LBP: variants seen among roughly 807,000 people sequenced by gnomAD.
The protein encoded by LBP is lipopolysaccharide binding protein, also known as lipopolysaccharide-binding protein.
A neutral mutation model predicts 56.6 loss-of-function variants in LBP; 53 were observed. The observed-to-expected ratio is 0.94, with a 90% CI of 0.75 to 1.18. The LOEUF is 1.18. Ranked by LOEUF, LBP falls within the 50% of genes most tolerant of loss-of-function variation. The pLI is 0.00. For synonymous variants in LBP, 227 were observed against 247.5 expected (o/e 0.92, Z 0.78); for missense variants, 601 against 598.3 (o/e 1.00, Z -0.05).
chr20:38,376,930 AT>A lies in LBP; in HGVS notation c.*268del. ...GGATATCTTTACAAGCAGGCACTGT[AT>A]TTTTTTATTCGCCATCTGATCCCCA... On this transcript the variant is annotated 3_prime_UTR_variant, in exon 15 of 15. Transcript: ENST00000217407. The A allele has an allele frequency of 1.6e-6, 1 of 629,672 alleles. No homozygotes were observed. The highest frequency in any genetic ancestry group is 3.0e-6 in the Non-Finnish European group (1 of 338,416). 39.0% of individuals were successfully genotyped at this position (629,672 alleles called of 1,614,324 possible). A position where few individuals can be genotyped will look rare whatever the true frequency, so the allele number is the denominator to read the frequency against.
Position 38,364,744 on chromosome 20 carries a change from G to A in LBP, c.913G>A (p.Asp305Asn). The change falls in exon 8 of 15, where the codon GAT (aspartate) becomes AAT (asparagine). Residue 305 changes from aspartate to asparagine, a missense_variant. Coordinates refer to ENST00000217407, the MANE Select transcript of LBP (RefSeq NM_004139.5). The part of the protein sequence containing the change: ...EEGYLNFSIT[D>N]DMIPPDSNIR... Reference sequence around the variant, plus strand: ...AGGATATCTGAACTTCTCCATCACAGATGACATGGTGAGGATGGTGGCAAA... The same window carrying A: ...AGGATATCTGAACTTCTCCATCACAAATGACATGGTGAGGATGGTGGCAAA... 1.2e-6 allele frequency: 2 copies of A among 1,608,782 alleles called. No homozygotes were observed. Among genetic ancestry groups the A allele is most frequent in the Non-Finnish European group, 1.7e-6 (2 of 1,177,098 alleles).
intron 11 of LBP, among the ~76,000 whole-genome samples, 176 bp downstream of exon 11, chr20:38,370,981 G>A (rs1303462097): frequency 6.6e-6 from 1 of 152,150 alleles, no homozygotes; most frequent in African/African-American, 2.4e-5. Flanking sequence ...ATCTCAAATT[G>A]TTAAAGAATT....
At chr20:38,365,353 T>A (rs1406607092) in intron 8 of LBP, among the ~76,000 whole-genome samples, 5 of 152,060 alleles carry the variant, frequency 3.3e-5, no homozygotes, top group Admixed American at 6.6e-5. Context: ...GTTAGTCTAA[T>A]TCATATTTTC....
At chr20:38,353,928 C>T (rs2864142) in intron 3 of LBP, among the ~76,000 whole-genome samples, 146,090 of 152,072 alleles carry the variant, frequency 0.96, 70,266 homozygotes, top group African/African-American at 0.99. Flanking sequence ...GGAAATAAGC[C>T]CATATATTAA....
chr20:38,362,049 T>G (rs2076861991), intron 6 of LBP, among the ~76,000 whole-genome samples: 1 of 149,108 alleles, frequency 6.7e-6, no homozygotes, highest in Non-Finnish European at 1.5e-5. Flanking sequence ...TTATTTTTTG[T>G]TTTCTTTTTT....
chr20:38,348,675 C>G (rs1028968204), intron 1 of LBP, among the ~76,000 whole-genome samples: 11 of 152,268 alleles, frequency 7.2e-5, no homozygotes, highest in African/African-American at 2.6e-4. Flanking sequence ...TGTCAGGCAC[C>G]AAGCTAGGAG....
rs550163118 is a variant in LBP, at chr20:38,354,329, T to G, written c.414T>G (p.Ile138Met). 4.8e-5 allele frequency: 78 copies of G among 1,613,860 alleles called. 3 individuals carry two copies. In the South Asian group the frequency reaches 8.2e-4, roughly 17 times the overall value. The stretch of plus-strand genomic sequence containing the variant: ...ATGTCAGTGTCAAGGGCATCAGCAT[T>G]TCGGTCAACCTCCTGTTGGGCAGCG... ...SFDVSVKGISISVNLLLGSES... is the reference protein window; with the variant it reads ...SFDVSVKGISMSVNLLLGSES... Residue 138 changes from isoleucine (I) to methionine (M), a missense_variant, in exon 4 of 15, where the codon ATT becomes ATG. Physicochemically the swap from Ile to Met is conservative, Grantham distance 10. Coordinates refer to ENST00000217407, the MANE Select transcript of LBP (RefSeq NM_004139.5).
chr20:38,358,866 C>T (rs983145750), intron 5 of LBP, among the ~76,000 whole-genome samples: 1 of 152,198 alleles, frequency 6.6e-6, no homozygotes, highest in Non-Finnish European at 1.5e-5. Context: ...ACTTTCTCAT[C>T]GCACATCAAC....
In LBP at chr20:38,366,245, A is replaced by G. The variant is rs1600728621; in HGVS notation, c.922-524A>G. Among the ~76,000 whole-genome samples, 3 of 152,194 alleles carry G rather than the reference A, an allele frequency of 2.0e-5. No individual in the cohort carries two copies. The South Asian group carries it at 6.2e-4, about 32-fold the overall frequency. On this transcript the variant is annotated intron_variant, in intron 8 of 14. Transcript: ENST00000217407. ...TTTTGTCCTTCTGATGGCCTCCTAC[A>G]CCTGCACAGGCCTTCGCTTCTGGCA... is the stretch of plus-strand genomic sequence containing the variant.
At chr20:38,375,100 A>T (rs561829316) in intron 14 of LBP, among the ~76,000 whole-genome samples, 1 of 151,558 alleles carries the variant, frequency 6.6e-6, no homozygotes, top group Non-Finnish European at 1.5e-5. Flanking sequence ...TACAGCCAAC[A>T]CTATATATGT....
rs186516958 is a variant in LBP at position 38,352,660 on chromosome 20, C to T, written c.369-1624C>T. Reference sequence around the variant, plus strand: ...ATCTCAGCTACTTAGGAGGATGAGACAGGAGAACCGCTGTAGCCTGGGAGG... The same window carrying T: ...ATCTCAGCTACTTAGGAGGATGAGATAGGAGAACCGCTGTAGCCTGGGAGG... On this transcript the variant is annotated intron_variant, in intron 3 of 14. Transcript: ENST00000217407. Among the ~76,000 whole-genome samples the T allele has an allele frequency of 2.4e-3, 373 of 152,320 alleles. 2 individuals carry two copies. The Middle Eastern group carries it at 0.034, about 14-fold the overall frequency.
chr20:38,372,537 G>A (rs2076904138), intron 12 of LBP, among the ~76,000 whole-genome samples: 3 of 152,128 alleles, frequency 2.0e-5, no homozygotes, highest in Admixed American at 2.0e-4. Context: ...ATTTAGATTC[G>A]AATCCTGATG....
chr20:38,367,483 G>C (rs1203188453), intron 9 of LBP, among the ~76,000 whole-genome samples: 1 of 152,146 alleles, frequency 6.6e-6, no homozygotes, highest in Non-Finnish European at 1.5e-5. Flanking sequence ...GTTAGTTTTT[G>C]AATGGGAAAT....
At chr20:38,373,002 A>G (rs1172224241) in intron 12 of LBP, 70 bp from the exon 13 acceptor site, 1 of 1,338,200 alleles carries the variant, frequency 7.5e-7, no homozygotes, top group Non-Finnish European at 1.1e-6. Context: ...GCGTTTTGCT[A>G]TGTTGGCACA....
intron 4 of LBP, 23 bp from the exon 5 acceptor site, chr20:38,355,323 G>A: frequency 6.2e-7 from 1 of 1,612,706 alleles, no homozygotes; most frequent in Non-Finnish European, 8.5e-7. Context: ...AAGTTCAGTG[G>A]CAGACTGTGC....
chr20:38,368,329 G>T (rs1319291030), intron 9 of LBP, among the ~76,000 whole-genome samples: 1 of 152,134 alleles, frequency 6.6e-6, no homozygotes, highest in East Asian at 1.9e-4. Context: ...GCCAGGTGCG[G>T]TGGCTCACAC....
intron 3 of LBP, among the ~76,000 whole-genome samples, chr20:38,353,715 G>A (rs1447936231): frequency 6.6e-6 from 1 of 152,026 alleles, no homozygotes. Flanking sequence ...CTGTTTACTC[G>A]TACATTCAAT....
chr20:38,361,387 A>G (rs1221855306), intron 6 of LBP, among the ~76,000 whole-genome samples: 1 of 152,090 alleles, frequency 6.6e-6, no homozygotes, highest in Non-Finnish European at 1.5e-5. Flanking sequence ...GTTCATATAC[A>G]TATAGTATAG....
chr20:38,357,822 C>G (rs980851003), intron 5 of LBP, among the ~76,000 whole-genome samples: 6 of 152,154 alleles, frequency 3.9e-5, no homozygotes, highest in Admixed American at 3.9e-4. Context: ...GTTCCTTCCC[C>G]TTTTAGACCA....
Sources: allele counts gnomAD v4.1 joint callset (sites outside exome capture counted in the v4.1 genomes callset), GRCh38; gene constraint gnomAD v4.1.1; transcripts MANE v1.5; gene names NCBI Gene and HGNC (gene_info 2026-07-23, HGNC 2026-07-21).